The following USP6 variants were observed in gnomAD, a reference collection of about 807,000 sequenced individuals.
The protein encoded by USP6 is ubiquitin carboxyl-terminal hydrolase 6.
A neutral mutation model predicts 175.7 loss-of-function variants in USP6; 128 were observed. The observed-to-expected ratio is 0.73, with a 90% CI of 0.63 to 0.84. USP6 has a LOEUF of 0.84. USP6 is among the 40% of genes least tolerant of loss of function. The pLI is 0.00. For missense variants in USP6, 1,498 were observed against 1,760.3 expected, an observed-to-expected ratio of 0.85 and a Z score of 2.67; for synonymous variants, 562 against 630.6, an observed-to-expected ratio of 0.89 and a Z score of 1.63.
rs138895715 is a variant in USP6 at position 5,147,112 on chromosome 17, A to G, written c.2349A>G (p.Gln783=). The change falls in exon 29 of 38, where the codon CAA becomes CAG. Residue 783 remains glutamine, a synonymous_variant. Transcript: ENST00000574788. The part of the protein sequence containing the change: ...KNFPQDNQKV[Q]LSVSGFLCAF... Reference sequence around the variant, plus strand: ...TTCCTCAGGATAACCAAAAAGTACAACTCTCAGTGAGCGGATTTTTGTGTG... The same window carrying G: ...TTCCTCAGGATAACCAAAAAGTACAGCTCTCAGTGAGCGGATTTTTGTGTG... 1.4e-5 allele frequency: 22 copies of G among 1,613,458 alleles called. No homozygotes were observed. The highest frequency in any genetic ancestry group is 1.0e-4 in the Admixed American group (6 of 59,938).
chr17:5,117,227 G>A (rs1234417431), intron 1 of USP6, among the ~76,000 whole-genome samples: 2 of 152,138 alleles, frequency 1.3e-5, no homozygotes, highest in Non-Finnish European at 1.5e-5. Flanking sequence ...CATATTAAAA[G>A]CTCGATAAGC....
intron 3 of USP6, among the ~76,000 whole-genome samples, 162 bp from the exon 4 acceptor site, chr17:5,121,213 A>C (rs1045664348): frequency 2.6e-5 from 4 of 152,166 alleles, no homozygotes; most frequent in Non-Finnish European, 5.9e-5. Context: ...GAGCAGGCTG[A>C]ATTCCTCCAA....
chr17:5,138,039 T>C, intron 20 of USP6, 82 bp from the exon 21 acceptor site: 1 of 1,609,304 alleles, frequency 6.2e-7, no homozygotes, highest in Non-Finnish European at 8.5e-7. Context: ...CACCGCCCAG[T>C]GGGAGACTGA....
At position 5,173,749 on chromosome 17, in the gene USP6, T is replaced by G. The variant is rs528832760; in HGVS notation, c.*771T>G. On this transcript the variant is annotated 3_prime_UTR_variant, in exon 38 of 38. Coordinates refer to ENST00000574788, the MANE Select transcript of USP6 (RefSeq NM_001304284.2). ...TACATTTAGGCTACTTCAAGTATCC[T>G]CAGAAATGTATTCTGCACCCCCGGC... is the stretch of plus-strand genomic sequence containing the variant. 11 of 219,402 alleles carry G rather than the reference T, an allele frequency of 5.0e-5. No individual in the cohort carries two copies. The highest frequency in any genetic ancestry group is 8.3e-5 in the Non-Finnish European group (9 of 109,026). 13.6% of individuals were successfully genotyped at this position (219,402 alleles called of 1,614,324 possible).
intron 31 of USP6, 52 bp from the exon 32 acceptor site, chr17:5,161,476 G>T (rs1270788543): frequency 2.5e-6 from 4 of 1,586,090 alleles, no homozygotes; most frequent in Non-Finnish European, 3.5e-6. Flanking sequence ...AAAGGAGTTG[G>T]ACCTCGAACC....
intron 4 of USP6, among the ~76,000 whole-genome samples, chr17:5,123,357 C>T (rs35373025): frequency 4.0e-5 from 6 of 151,804 alleles, no homozygotes; most frequent in African/African-American, 1.5e-4. Context: ...CCCGGAGTGA[C>T]CCCGGCCCGG....
At chr17:5,142,759 C>T (rs535255796) in intron 25 of USP6, among the ~76,000 whole-genome samples, 7 of 152,274 alleles carry the variant, frequency 4.6e-5, no homozygotes, top group Non-Finnish European at 1.0e-4. Flanking sequence ...TGTCAAACAT[C>T]TTATATGAAG....
intron 34 of USP6, 109 bp from the exon 35 acceptor site, chr17:5,168,658 T>G: frequency 7.1e-7 from 1 of 1,400,144 alleles, no homozygotes; most frequent in South Asian, 1.5e-5. Context: ...AGAGTAAATG[T>G]TCTGTTATAT....
chr17:5,155,363 C>A, intron 30 of USP6, 59 bp from the exon 31 acceptor site: 21 of 1,587,456 alleles, frequency 1.3e-5, no homozygotes, highest in Non-Finnish European at 1.8e-5. Context: ...GTTAGAAGAA[C>A]TAAAGGGAGG....
intron 37 of USP6, among the ~76,000 whole-genome samples, chr17:5,172,598 T>C (rs2144202724): frequency 6.6e-6 from 1 of 152,348 alleles, no homozygotes; most frequent in Admixed American, 6.5e-5. Context: ...TGTTTTGACT[T>C]GTCTATGGTC....
rs1218062730 is a variant in USP6 at position 5,136,723 on chromosome 17, A to G, written c.748A>G (p.Met250Val). Residue 250 changes from methionine (M) to valine (V), a missense_variant, in exon 18 of 38, where the codon ATG (methionine) becomes GTG (valine). Physicochemically the swap from Met to Val is conservative, Grantham distance 21. Around this residue, in one of 2 missense-constraint regions of USP6, gnomAD observed 1,217 missense variants for 1,500.8 expected, o/e 0.81. Transcript: ENST00000574788. ...HVVPKSQPKT[M>V]WHQDKEGLCG... The stretch of plus-strand genomic sequence containing the variant: ...GGTACCCAAGTCACAACCCAAGACC[A>G]TGTGGCATCAGGTGAGTTTATGGTC... The G allele has an allele frequency of 6.2e-7, 1 of 1,612,204 alleles. No homozygotes were observed. Among genetic ancestry groups the G allele is most frequent in the Non-Finnish European group, 8.5e-7 (1 of 1,179,730 alleles).
In USP6 at chr17:5,154,625, T is replaced by C. The variant is rs187660861; in HGVS notation, c.2644-797T>C. ...CTTGTTACAAAATAGAATTACTAGG[T>C]TTCACAAATCTCCAAAACTTTGGGA... On this transcript the variant is annotated intron_variant, in intron 30 of 37. Transcript: ENST00000574788. Among the ~76,000 whole-genome samples, 18 of 152,306 alleles carry C rather than the reference T, an allele frequency of 1.2e-4. No individual in the cohort carries two copies. The East Asian group carries it at 1.3e-3, about 11-fold the overall frequency.
At chr17:5,126,377 G>A (rs2072895511) in intron 6 of USP6, among the ~76,000 whole-genome samples, 1 of 152,168 alleles carries the variant, frequency 6.6e-6, no homozygotes, top group Non-Finnish European at 1.5e-5. Flanking sequence ...CACCAGAAGA[G>A]ACAACAAAAA....
In USP6 at chr17:5,132,110, C is replaced by T. The variant is rs1361278223; in HGVS notation, c.156-286C>T. 4 of 1,175,908 alleles carry T rather than the reference C, an allele frequency of 3.4e-6. No individual in the cohort carries two copies. The highest frequency in any genetic ancestry group is 4.6e-6 in the Non-Finnish European group (4 of 868,720). The allele number at this position is 1,175,908 out of a possible 1,614,324, so 72.8% of individuals were successfully genotyped here. ...TTCTCAGCTCCAGCAGAAAGCACCA[C>T]CTCAAGTCCAGGATGGGCAGCCCCA... On this transcript the variant is annotated intron_variant, in intron 11 of 37. Transcript: ENST00000574788. The surrounding 1 kb of genome is among the most constrained non-coding windows in gnomAD (Gnocchi z 4.7).
At chr17:5,143,564 G>A (rs917094853) in intron 25 of USP6, among the ~76,000 whole-genome samples, 72 of 151,668 alleles carry the variant, frequency 4.7e-4, no homozygotes, top group Non-Finnish European at 8.7e-4. Flanking sequence ...CAGCATGCTC[G>A]TTAAGAGTCA....
chr17:5,137,688 A>G lies in USP6; in HGVS notation c.863A>G (p.Tyr288Cys). 1 of 1,607,246 alleles carries G rather than the reference A, an allele frequency of 6.2e-7. No homozygotes were observed. The highest frequency in any genetic ancestry group is 8.5e-7 in the Non-Finnish European group (1 of 1,175,436). Residue 288 changes from tyrosine (Y) to cysteine (C), a missense_variant, in exon 20 of 38, where the codon TAT becomes TGT. Around this residue, in one of 2 missense-constraint regions of USP6, gnomAD observed 1,217 missense variants for 1,500.8 expected, o/e 0.81. Transcript: ENST00000574788. ...CTCACCCTGCGCCTGTGGGACGTGT[A>G]TTTGGTGGAAGGAGAACAGGTGTTG... ...LGLTLRLWDV[Y>C]LVEGEQVLMP...
chr17:5,144,716 G>A lies in USP6; in HGVS notation c.1845G>A (p.Lys615=). The change falls in exon 26 of 38, where the codon AAG becomes AAA. Residue 615 remains lysine, a synonymous_variant. Transcript: ENST00000574788. ...LRRTIAKYAP[K]FDGFQQQDSQ... ...GGACCATAGCAAAATATGCTCCCAA[G>A]TTTGATGGGTTTCAGCAACAAGACT... is the stretch of plus-strand genomic sequence containing the variant. 5.0e-6 allele frequency: 8 copies of A among 1,613,732 alleles called. No individual in the cohort carries two copies. The highest frequency in any genetic ancestry group is 5.9e-6 in the Non-Finnish European group (7 of 1,179,814).
chr17:5,146,411 G>A (rs1049280943), intron 28 of USP6, among the ~76,000 whole-genome samples: 1 of 152,146 alleles, frequency 6.6e-6, no homozygotes, highest in Non-Finnish European at 1.5e-5. Flanking sequence ...ATGTAAGGCT[G>A]CCTATATGGA....
rs376776375 is a variant in USP6 at position 5,132,279 on chromosome 17, C to T, written c.156-117C>T. ...GTCCTCCCTTCCCTGTGCCTTCTCC[C>T]GGGCTGAGCCCTGAGCTGGATAGGG... On this transcript the variant is annotated intron_variant, in intron 11 of 37. Coordinates refer to ENST00000574788, the MANE Select transcript of USP6 (RefSeq NM_001304284.2). This position sits in a 1 kb window ranked among gnomAD's most constrained non-coding sequence, Gnocchi z 4.7. The T allele has an allele frequency of 7.3e-5, 118 of 1,608,354 alleles. No individual in the cohort carries two copies. Among genetic ancestry groups the T allele is most frequent in the Non-Finnish European group, 9.1e-5 (107 of 1,177,368 alleles).
Sources: allele counts gnomAD v4.1 joint callset (sites outside exome capture counted in the v4.1 genomes callset), GRCh38; gene constraint gnomAD v4.1.1; regional missense constraint gnomAD v4.1.1; non-coding constraint Gnocchi (gnomAD v3.1); transcripts MANE v1.5; gene names NCBI Gene and HGNC (gene_info 2026-07-23, HGNC 2026-07-21).